Variants in DDR1 observed in about 807,000 individuals in gnomAD.
DDR1 encodes the protein discoidin domain receptor tyrosine kinase 1, also known as epithelial discoidin domain-containing receptor 1.
A neutral mutation model predicts 97.4 loss-of-function variants in DDR1; 64 were observed. The observed-to-expected ratio is 0.66, with a 90% CI of 0.54 to 0.81. DDR1 has a LOEUF of 0.81. DDR1 is among the 30% of genes least tolerant of loss of function. The pLI is 0.00. For missense variants in DDR1, 990 were observed against 1,259.6 expected (o/e 0.79, Z 3.24); for synonymous variants, 458 against 503.7 (o/e 0.91, Z 1.21).
chr6:30,890,799 G>A lies in DDR1; in HGVS notation c.418-174G>A. On this transcript the variant is annotated intron_variant, in intron 4 of 17. Coordinates refer to ENST00000376568, the MANE Select transcript of DDR1 (RefSeq NM_001297654.2). This position sits in a 1 kb window ranked among gnomAD's most constrained non-coding sequence, Gnocchi z 5.0. ...TGCGACAGAGCCAGAGGTCTCAGCT[G>A]CAGATCTTCATTTCACCCATGCCTG... 1 of 593,630 alleles carries A rather than the reference G, an allele frequency of 1.7e-6. No individual in the cohort carries two copies. The allele number at this position is 593,630 out of a possible 1,614,324, so 36.8% of individuals were successfully genotyped here. A position where few individuals can be genotyped will look rare whatever the true frequency, so the allele number is the denominator to read the frequency against.
At chr6:30,892,809 T>C (rs1397098995) in intron 8 of DDR1, 3 of 584,754 alleles carry the variant, frequency 5.1e-6, no homozygotes, top group Non-Finnish European at 8.8e-6. Context: ...GAAATACTTC[T>C]GTATTAGTTG....
Position 30,897,199 on chromosome 6 carries a change from C to G in DDR1, c.1997+58C>G, listed in dbSNP as rs2150436862. The G allele has an allele frequency of 5.0e-6, 8 of 1,596,952 alleles. No homozygotes were observed. The highest frequency in any genetic ancestry group is 6.8e-6 in the Non-Finnish European group (8 of 1,171,920). On this transcript the variant is annotated intron_variant, in intron 14 of 17. Coordinates refer to ENST00000376568, the MANE Select transcript of DDR1 (RefSeq NM_001297654.2). The surrounding 1 kb of genome is among the most constrained non-coding windows in gnomAD (Gnocchi z 5.2). ...AGGGGAGGCCGTGAAGAGTGGGGAG[C>G]CATCTAGAGAGAACAATGGCAGAGC...
intron 8 of DDR1, 129 bp from the exon 9 acceptor site, chr6:30,892,939 A>G (rs1176619973): frequency 3.7e-6 from 3 of 805,428 alleles, no homozygotes; most frequent in Non-Finnish European, 6.0e-6. Flanking sequence ...CCCAGCCCCC[A>G]CTGGTCAGTG....
At chr6:30,887,484 GTATATA>G (rs1250972487) in intron 1 of DDR1, among the ~76,000 whole-genome samples, 1 of 152,058 alleles carries the variant, frequency 6.6e-6, no homozygotes, top group Non-Finnish European at 1.5e-5. Flanking sequence ...GTACACACAG[GTATATA>G]TACAAACATG....
chr6:30,898,390 T>C, intron 16 of DDR1, 83 bp downstream of exon 16: 1 of 982,680 alleles, frequency 1.0e-6, no homozygotes, highest in Non-Finnish European at 1.5e-6. Context: ...TCTCCATCAG[T>C]CACACACTTT....
chr6:30,888,850 G>C lies in DDR1; in HGVS notation c.85+36G>C, dbSNP rs750413562. ...TGAATCATGGGTCCCTGAGGGCCAG[G>C]GCTTGGGAGGTAGAGAGTTGGGGGC... On this transcript the variant is annotated intron_variant, in intron 2 of 17. Coordinates refer to ENST00000376568, the MANE Select transcript of DDR1 (RefSeq NM_001297654.2). This position sits in a 1 kb window ranked among gnomAD's most constrained non-coding sequence, Gnocchi z 4.2. 4 of 1,612,966 alleles carry C rather than the reference G, an allele frequency of 2.5e-6. No individual in the cohort carries two copies. The highest frequency in any genetic ancestry group is 3.4e-6 in the Non-Finnish European group (4 of 1,180,008).
At position 30,899,296 on chromosome 6, in the gene DDR1, A is replaced by T. The variant is rs1222315847; in HGVS notation, c.2742A>T (p.Ter914CysextTer39). The T allele has an allele frequency of 6.2e-7, 1 of 1,605,050 alleles. No homozygotes were observed. Among genetic ancestry groups the T allele is most frequent in the Admixed American group, 1.7e-5 (1 of 59,640 alleles). ...FLAEDALNTV[*>C] ...CAGAGGATGCACTCAACACGGTGTGAATCACACATCCAGCTGCCCCTCCCT... is the reference window on the plus strand; with the variant it reads ...CAGAGGATGCACTCAACACGGTGTGTATCACACATCCAGCTGCCCCTCCCT... Residue 914 changes from the stop codon to cysteine (C), a stop_lost, in exon 18 of 18, where the codon TGA (stop) becomes TGT (cysteine). Transcript: ENST00000376568.
At position 30,889,572 on chromosome 6, in the gene DDR1, G is replaced by A; in HGVS notation, c.417+142G>A. ...TCTCAGCTGAGCTCCAAACAATATT[G>A]TAAACCTGGCCACCTTTTGGATTTC... On this transcript the variant is annotated intron_variant, in intron 4 of 17. Coordinates refer to ENST00000376568, the MANE Select transcript of DDR1 (RefSeq NM_001297654.2). This position sits in a 1 kb window ranked among gnomAD's most constrained non-coding sequence, Gnocchi z 4.9. 1 of 591,588 alleles carries A rather than the reference G, an allele frequency of 1.7e-6. No individual in the cohort carries two copies. The highest frequency in any genetic ancestry group is 3.2e-5 in the East Asian group (1 of 30,846). The allele number at this position is 591,588 out of a possible 1,614,324, so 36.6% of individuals were successfully genotyped here. A position where few individuals can be genotyped will look rare whatever the true frequency, so the allele number is the denominator to read the frequency against.
upstream of DDR1, chr6:30,884,314 G>T (rs543270628): frequency 1.9e-3 from 282 of 151,418 alleles, no homozygotes; most frequent in Non-Finnish European, 3.3e-3. The surrounding 1 kb of genome is among the most constrained non-coding windows in gnomAD (Gnocchi z 6.1). Context: ...CGCGGGGTGG[G>T]CGTGGCGGGC....
In DDR1 at chr6:30,889,042, C is replaced by A; in HGVS notation, c.188+32C>A. 6.2e-7 allele frequency: 1 copy of A among 1,609,172 alleles called. No homozygotes were observed. ...GGCACACCTGGCACACTTGTAGCTG[C>A]CCCGAGAGGAGCTCCTGGGACCTCT... On this transcript the variant is annotated intron_variant, in intron 3 of 17. Transcript: ENST00000376568. This position sits in a 1 kb window ranked among gnomAD's most constrained non-coding sequence, Gnocchi z 4.9.
In DDR1 at chr6:30,891,455, C is replaced by T. The variant is rs1459360099; in HGVS notation, c.641C>T (p.Thr214Ile). 1.2e-6 allele frequency: 2 copies of T among 1,612,766 alleles called. No homozygotes were observed. The highest frequency in any genetic ancestry group is 1.7e-6 in the Non-Finnish European group (2 of 1,179,972). Residue 214 changes from threonine to isoleucine, a missense_variant, in exon 6 of 18, where the codon ACC (threonine) becomes ATC (isoleucine). By Grantham distance (89) the Thr-to-Ile change is moderately conservative. Transcript: ENST00000376568. The surrounding 1 kb of genome is among the most constrained non-coding windows in gnomAD (Gnocchi z 5.3). ...GAGGCCGTGTACCTCAACGACTCCA[C>T]CTATGACGGACATACCGTGGGCGGG... is the stretch of plus-strand genomic sequence containing the variant. Reference protein sequence around the residue: ...LSEAVYLNDSTYDGHTVGGLQ... With the variant: ...LSEAVYLNDSIYDGHTVGGLQ...
At chr6:30,883,466 C>T (rs1474737079), upstream of DDR1, 4 of 152,980 alleles carry the variant, frequency 2.6e-5, no homozygotes, top group East Asian at 1.9e-4. This position sits in a 1 kb window ranked among gnomAD's most constrained non-coding sequence, Gnocchi z 4.9. Flanking sequence ...CCTACTCAGT[C>T]TCACTGTTTC....
Position 30,889,206 on chromosome 6 carries a change from G to T in DDR1, c.193G>T (p.Glu65Ter), listed in dbSNP as rs1332974768. The T allele has an allele frequency of 6.2e-7, 1 of 1,612,876 alleles. No homozygotes were observed. The highest frequency in any genetic ancestry group is 8.5e-7 in the Non-Finnish European group (1 of 1,179,964). The change falls in exon 4 of 18, where the codon GAG (glutamate) becomes TAG (stop). Residue 65 changes from glutamate to a stop codon, truncating the protein, a stop_gained. Transcript: ENST00000376568. LOFTEE classifies it high-confidence loss of function. The surrounding 1 kb of genome is among the most constrained non-coding windows in gnomAD (Gnocchi z 4.9). ...DSTAARHSRLESSDGDGAWCP... is the reference protein window; with the variant it reads ...DSTAARHSRL ...TGTGCCCCTCTTCACCCTCAGGTTG[G>T]AGAGCAGTGACGGGGATGGGGCCTG... is the stretch of plus-strand genomic sequence containing the variant.
Position 30,899,950 on chromosome 6 carries a change from T to G in DDR1, c.*654T>G. ...CGTTTCTGTGGAGTAAATATTGGGA[T>G]TGGGGGGAAAGAGGGAGCAACGGCC... is the stretch of plus-strand genomic sequence containing the variant. On this transcript the variant is annotated 3_prime_UTR_variant, in exon 18 of 18. Coordinates refer to ENST00000376568, the MANE Select transcript of DDR1 (RefSeq NM_001297654.2). 5.4e-6 allele frequency: 3 copies of G among 553,008 alleles called. No individual in the cohort carries two copies. The highest frequency in any genetic ancestry group is 1.0e-5 in the Non-Finnish European group (3 of 285,926). 34.3% of individuals were successfully genotyped at this position (553,008 alleles called of 1,614,324 possible).
At chr6:30,885,032 G>A in intron 1 of DDR1, 1 of 601,624 alleles carries the variant, frequency 1.7e-6, no homozygotes, top group Non-Finnish European at 3.0e-6. Context: ...GCCCCACTGA[G>A]TCAGCTCATC....
Position 30,899,799 on chromosome 6 carries a change from C to G in DDR1, c.*503C>G, listed in dbSNP as rs184671136. 1 of 369,914 alleles carries G rather than the reference C, an allele frequency of 2.7e-6. No homozygotes were observed. Among genetic ancestry groups the G allele is most frequent in the Non-Finnish European group, 5.0e-6 (1 of 198,068 alleles). 22.9% of individuals were successfully genotyped at this position (369,914 alleles called of 1,614,324 possible). The stretch of plus-strand genomic sequence containing the variant: ...TCCTTGTGCCTGCTCCTGTACTTGT[C>G]CTCAGCTTGGGCTTCTTCCTCCTCC... On this transcript the variant is annotated 3_prime_UTR_variant, in exon 18 of 18. Transcript: ENST00000376568.
upstream of DDR1, chr6:30,881,130 G>C (rs898744766): frequency 5.2e-5 from 8 of 152,650 alleles, no homozygotes; most frequent in Non-Finnish European, 8.8e-5. Flanking sequence ...CTGGAGGTGA[G>C]AGGGGGGAAG....
At chr6:30,883,528 G>C (rs9461638), upstream of DDR1, 40,289 of 153,474 alleles carry the variant, frequency 0.26, 6,270 homozygotes, top group East Asian at 0.61. The surrounding 1 kb of genome is among the most constrained non-coding windows in gnomAD (Gnocchi z 4.9). Context: ...GTGATTTTCA[G>C]TGTGCCTCCA....
At position 30,888,815 on chromosome 6, in the gene DDR1, G is replaced by C. The variant is rs111972292; in HGVS notation, c.85+1G>C. ...GACATGAAGGGACATTTTGATCCTG[G>C]TGAGGAGACTGAATCATGGGTCCCT... On this transcript the variant is annotated splice_donor_variant, in intron 2 of 17. Coordinates refer to ENST00000376568, the MANE Select transcript of DDR1 (RefSeq NM_001297654.2). LOFTEE classifies it high-confidence loss of function. This position sits in a 1 kb window ranked among gnomAD's most constrained non-coding sequence, Gnocchi z 4.2. 6.2e-7 allele frequency: 1 copy of C among 1,613,040 alleles called. No homozygotes were observed. Among genetic ancestry groups the C allele is most frequent in the African/African-American group, 1.3e-5 (1 of 75,006 alleles).
Sources: allele counts gnomAD v4.1 joint callset (sites outside exome capture counted in the v4.1 genomes callset), GRCh38; gene constraint gnomAD v4.1.1; non-coding constraint Gnocchi (gnomAD v3.1); transcripts MANE v1.5; gene names NCBI Gene and HGNC (gene_info 2026-07-23, HGNC 2026-07-21).